MAST4: variants seen among roughly 807,000 people sequenced by gnomAD.
MAST4 encodes the protein microtubule associated serine/threonine kinase family member 4.
MAST4 carries 89 observed loss-of-function variants against 162.7 expected under a neutral mutation model. The ratio of observed to expected loss-of-function variants is 0.55; its 90% CI spans 0.46 to 0.65. The LOEUF is 0.65. MAST4 is among the 30% of genes least tolerant of loss of function. The pLI is 0.00. For synonymous variants in MAST4, 1,479 were observed against 1,361.1 expected, an observed-to-expected ratio of 1.09 and a Z score of -1.91; for missense variants, 3,153 against 3,374.0, an observed-to-expected ratio of 0.93 and a Z score of 1.62.
At chr5:67,118,366 A>G (rs540678713) in intron 12 of MAST4, among the ~76,000 whole-genome samples, 1 of 152,310 alleles carries the variant, frequency 6.6e-6, no homozygotes, top group South Asian at 2.1e-4. Context: ...ACCTGATTCT[A>G]AGCAGAGTTG....
chr5:67,092,760 A>G, intron 6 of MAST4, among the ~76,000 whole-genome samples: 1 of 152,188 alleles, frequency 6.6e-6, no homozygotes, highest in Non-Finnish European at 1.5e-5. Flanking sequence ...TACTACAACA[A>G]ACTTGCCTGC....
intron 3 of MAST4, among the ~76,000 whole-genome samples, chr5:66,894,113 A>G (rs138719717): frequency 2.8e-4 from 43 of 152,284 alleles, no homozygotes; most frequent in African/African-American, 9.9e-4. Context: ...CTGAAACTTT[A>G]CCTCTGTAAT....
intron 1 of MAST4, among the ~76,000 whole-genome samples, chr5:66,628,182 G>A (rs1027040440): frequency 5.3e-5 from 8 of 151,918 alleles, no homozygotes; most frequent in African/African-American, 1.2e-4. Context: ...ATAGGCACAC[G>A]CCACCACACT....
At chr5:66,947,491 C>G (rs889262380) in intron 4 of MAST4, among the ~76,000 whole-genome samples, 3 of 152,102 alleles carry the variant, frequency 2.0e-5, no homozygotes, top group Admixed American at 2.0e-4. Flanking sequence ...TCTGATTCTT[C>G]GAGGTTTTGA....
chr5:66,824,006 G>A (rs1035434229), intron 3 of MAST4, among the ~76,000 whole-genome samples: 1 of 151,992 alleles, frequency 6.6e-6, no homozygotes, highest in Non-Finnish European at 1.5e-5. Flanking sequence ...ATATTCATTG[G>A]CCACTGGCAG....
intron 15 of MAST4, among the ~76,000 whole-genome samples, chr5:67,131,093 C>A (rs557915316): frequency 6.6e-6 from 1 of 152,110 alleles, no homozygotes; most frequent in Admixed American, 6.6e-5. Flanking sequence ...CATTAGATAT[C>A]CTTTTAGTTT....
intron 1 of MAST4, among the ~76,000 whole-genome samples, chr5:66,714,754 C>A (rs181131250): frequency 6.6e-6 from 1 of 152,100 alleles, no homozygotes; most frequent in Admixed American, 6.5e-5. Context: ...GTTGCTTTGC[C>A]GCACACTGAG....
At chr5:67,153,716 C>CAA in intron 26 of MAST4, 136 bp downstream of exon 26, 1 of 832,544 alleles carries the variant, frequency 1.2e-6, no homozygotes, top group East Asian at 3.0e-5. Context: ...AGTTTAAAGA[C>CAA]AAAGATATTA....
At chr5:67,043,824 C>G (rs1477150294) in intron 4 of MAST4, among the ~76,000 whole-genome samples, 1 of 152,154 alleles carries the variant, frequency 6.6e-6, no homozygotes, top group East Asian at 1.9e-4. Context: ...TGTATCTTTT[C>G]TTAATTCCCC....
Position 67,153,488 on chromosome 5 carries a change from G to C in MAST4, c.3556G>C (p.Ala1186Pro), listed in dbSNP as rs1195567953. The C allele has an allele frequency of 6.2e-7, 1 of 1,604,344 alleles. No homozygotes were observed. The highest frequency in any genetic ancestry group is 2.2e-5 in the East Asian group (1 of 44,696). Residue 1186 changes from alanine to proline, a missense_variant, in exon 26 of 29, where the codon GCA (alanine) becomes CCA (proline). This residue lies in a region of MAST4 where 619 missense variants were observed against 744.2 expected (regional missense o/e 0.83). Coordinates refer to ENST00000403625, the MANE Select transcript of MAST4 (RefSeq NM_001164664.2). ...AGAAGAAGGAAGTCCGGCATGCCAG[G>C]CAGGACTGAAGGCTGGAGATCTTAT... ...NVEEGSPACQ[A>P]GLKAGDLITH... is the part of the protein sequence containing the mutation.
intron 4 of MAST4, among the ~76,000 whole-genome samples, chr5:67,050,063 C>A (rs185827294): frequency 1.3e-5 from 2 of 152,160 alleles, no homozygotes; most frequent in Non-Finnish European, 2.9e-5. Context: ...AAAATACATA[C>A]ACCTCCTTTC....
chr5:67,088,070 A>G (rs906854462), intron 5 of MAST4, among the ~76,000 whole-genome samples: 3 of 152,182 alleles, frequency 2.0e-5, no homozygotes, highest in Non-Finnish European at 4.4e-5. Flanking sequence ...CTGCCCATTC[A>G]TCCTGAAGAT....
At chr5:67,014,801 C>T (rs1475182716) in intron 4 of MAST4, among the ~76,000 whole-genome samples, 1 of 152,200 alleles carries the variant, frequency 6.6e-6, no homozygotes, top group Non-Finnish European at 1.5e-5. Flanking sequence ...AGGTAGACTT[C>T]ATTTTTCTAT....
rs141308242 is a variant in MAST4 at position 67,145,059 on chromosome 5, G to A, written c.2859-85G>A. ...CTCTTGGTTAGGCTTATCCAAGTCC[G>A]ATTTTCACCTGGTTTCTTCCAAAAT... On this transcript the variant is annotated intron_variant, in intron 22 of 28. Coordinates refer to ENST00000403625, the MANE Select transcript of MAST4 (RefSeq NM_001164664.2). 2.5e-3 allele frequency: 3,114 copies of A among 1,234,258 alleles called. 8 individuals are homozygous for A. The highest frequency in any genetic ancestry group is 2.7e-3 in the Non-Finnish European group (2,352 of 870,588). The allele number at this position is 1,234,258 out of a possible 1,614,324, so 76.5% of individuals were successfully genotyped here.
At position 67,144,724 on chromosome 5, in the gene MAST4, C is replaced by A; in HGVS notation, c.2786C>A (p.Ser929Tyr). The change falls in exon 22 of 29, where the codon TCT becomes TAT. Residue 929 changes from serine (S) to tyrosine (Y), a missense_variant. Ser to Tyr is a moderately radical substitution (Grantham distance 144). Coordinates refer to ENST00000403625, the MANE Select transcript of MAST4 (RefSeq NM_001164664.2). ...AATTCAGCAGAAGAGAAGGAAGACT[C>A]TGTGGACAAAACCAAAAGCACCACC... ...TQNSAEEKED[S>Y]VDKTKSTTLP... 6.2e-7 allele frequency: 1 copy of A among 1,613,928 alleles called. No homozygotes were observed.
At chr5:67,004,725 A>C (rs1751759189) in intron 4 of MAST4, 1 of 406,094 alleles carries the variant, frequency 2.5e-6, no homozygotes, top group Non-Finnish European at 4.6e-6. Context: ...GAGCCTGACT[A>C]GGAGAGGGCA....
intron 14 of MAST4, among the ~76,000 whole-genome samples, chr5:67,127,353 T>C (rs1252157274): frequency 6.6e-6 from 1 of 152,210 alleles, no homozygotes; most frequent in East Asian, 1.9e-4. Context: ...CCATTCAGTA[T>C]GTTATTGGCT....
chr5:67,153,864 T>C (rs1338172892), intron 26 of MAST4, among the ~76,000 whole-genome samples: 1 of 152,232 alleles, frequency 6.6e-6, no homozygotes, highest in Non-Finnish European at 1.5e-5. Flanking sequence ...TGACATCTAT[T>C]TGGAGAGTCA....
rs1448973772 is a variant in MAST4, at chr5:67,104,370, C to A, written c.1151C>A (p.Thr384Lys). ...HVYKERFPKATAQMEERLKEI... is the reference protein window; with the variant it reads ...HVYKERFPKAKAQMEERLKEI... ...ATGTGTGTCTTCTCTATATAGGCTA[C>A]AGCTCAGATGGAAGAACGTCTAAAG... Residue 384 changes from threonine to lysine, a missense_variant, in exon 10 of 29, where the codon ACA becomes AAA. Physicochemically the swap from Thr to Lys is moderately conservative, Grantham distance 78. Transcript: ENST00000403625. 1 of 1,612,072 alleles carries A rather than the reference C, an allele frequency of 6.2e-7. No homozygotes were observed. Among genetic ancestry groups the A allele is most frequent in the Non-Finnish European group, 8.5e-7 (1 of 1,178,206 alleles).
Sources: gnomAD v4.1 joint callset for allele counts (sites outside exome capture counted in the v4.1 genomes callset) on GRCh38, gnomAD v4.1.1 for gene constraint, gnomAD v4.1.1 regional missense constraint, MANE v1.5 for transcripts, NCBI Gene and HGNC (gene_info 2026-07-23, HGNC 2026-07-21) for gene names.